PPM1L: variants seen among roughly 807,000 people sequenced by gnomAD.
The protein encoded by PPM1L is protein phosphatase 1L.
PPM1L carries 13 observed loss-of-function variants against 31.4 expected under a neutral mutation model. The ratio of observed to expected loss-of-function variants is 0.41; its 90% confidence interval spans 0.27 to 0.66. PPM1L has a LOEUF of 0.66. PPM1L is among the 30% of genes least tolerant of loss of function. The pLI is 0.29. For missense variants in PPM1L, 326 were observed against 453.7 expected (o/e 0.72, Z 2.56); for synonymous variants, 184 against 175.4 (o/e 1.05, Z -0.39).
chr3:160,765,783 G>A (rs2108057587), intron 1 of PPM1L, among the ~76,000 whole-genome samples: 1 of 152,292 alleles, frequency 6.6e-6, no homozygotes, highest in Non-Finnish European at 1.5e-5. Context: ...GAGTGTGGAT[G>A]TGTTTGCATA....
At chr3:160,784,593 G>A (rs899376396) in intron 1 of PPM1L, among the ~76,000 whole-genome samples, 1 of 152,218 alleles carries the variant, frequency 6.6e-6, no homozygotes, top group African/African-American at 2.4e-5. Flanking sequence ...AGTTTACCTT[G>A]TGAGTTTAAC....
chr3:161,001,177 ACTCT>A (rs1382180304), intron 2 of PPM1L, among the ~76,000 whole-genome samples: 1 of 152,174 alleles, frequency 6.6e-6, no homozygotes, highest in African/African-American at 2.4e-5. Context: ...AATTTAGCTA[ACTCT>A]CAGAGGATCT....
At chr3:161,008,770 A>G (rs1367908151) in intron 2 of PPM1L, among the ~76,000 whole-genome samples, 1 of 152,208 alleles carries the variant, frequency 6.6e-6, no homozygotes, top group African/African-American at 2.4e-5. Flanking sequence ...AGGGAATGCT[A>G]CAAGAGAAGA....
chr3:160,914,904 C>T (rs1292588919), intron 1 of PPM1L, among the ~76,000 whole-genome samples: 1 of 152,094 alleles, frequency 6.6e-6, no homozygotes, highest in African/African-American at 2.4e-5. Flanking sequence ...ACAGTCCCAC[C>T]AACAGTGTAA....
chr3:160,803,226 T>C (rs1259954654), intron 1 of PPM1L, among the ~76,000 whole-genome samples: 2 of 152,254 alleles, frequency 1.3e-5, no homozygotes, highest in Admixed American at 6.5e-5. Context: ...CCATTCACTT[T>C]CCTTCTTTTC....
chr3:160,870,291 A>T (rs1165024189), intron 1 of PPM1L, among the ~76,000 whole-genome samples: 2 of 152,222 alleles, frequency 1.3e-5, no homozygotes, highest in Non-Finnish European at 2.9e-5. Flanking sequence ...TTGGTTGAAG[A>T]TCACGAAGCA....
intron 2 of PPM1L, among the ~76,000 whole-genome samples, chr3:160,994,102 TA>T (rs1717226919): frequency 6.6e-6 from 1 of 152,106 alleles, no homozygotes; most frequent in African/African-American, 2.4e-5. Context: ...AATTCATGAA[TA>T]AAAATTACCT....
intron 1 of PPM1L, among the ~76,000 whole-genome samples, chr3:160,792,598 C>T (rs1357240989): frequency 6.6e-6 from 1 of 152,194 alleles, no homozygotes. Flanking sequence ...AAGCTAACCA[C>T]AATGAGTAGG....
Position 160,976,724 on chromosome 3 carries a change from C to G in PPM1L, c.574+14814C>G, listed in dbSNP as rs139469130. Among the ~76,000 whole-genome samples the G allele has an allele frequency of 7.0e-3, 1,067 of 152,124 alleles. 7 individuals carry two copies. The highest frequency in any genetic ancestry group is 9.3e-3 in the Non-Finnish European group (635 of 68,000). ...TTCTGTGGGATTGGTGGTGATATCC[C>G]CTTTATCATTTTTTATTGCGTCCAT... On this transcript the variant is annotated intron_variant, in intron 2 of 3. Coordinates refer to ENST00000498165, the MANE Select transcript of PPM1L (RefSeq NM_139245.4).
chr3:161,028,031 G>A (rs1553755670), intron 2 of PPM1L, among the ~76,000 whole-genome samples: 1 of 152,198 alleles, frequency 6.6e-6, no homozygotes, highest in Non-Finnish European at 1.5e-5. Flanking sequence ...TGGCTGGCAA[G>A]TGGTGACACT....
intron 1 of PPM1L, among the ~76,000 whole-genome samples, chr3:160,935,408 G>A (rs192711462): frequency 6.6e-6 from 1 of 152,168 alleles, no homozygotes. Context: ...GTGACTGGGT[G>A]CGTACATCTG....
chr3:160,907,104 A>T lies in PPM1L; in HGVS notation c.400-54632A>T, dbSNP rs140429430. ...GGGACTATTTTAGGGGCTGCTTACC[A>T]TTATATGTGTTTTAGAAGCAGAATA... On this transcript the variant is annotated intron_variant, in intron 1 of 3. Transcript: ENST00000498165. Among the ~76,000 whole-genome samples the T allele has an allele frequency of 4.6e-3, 698 of 152,312 alleles. 6 individuals carry two copies. Among genetic ancestry groups the T allele is most frequent in the African/African-American group, 0.015 (641 of 41,556 alleles).
chr3:160,900,154 G>A (rs1342847799), intron 1 of PPM1L, among the ~76,000 whole-genome samples: 2 of 151,888 alleles, frequency 1.3e-5, no homozygotes, highest in East Asian at 1.9e-4. Flanking sequence ...TTGTTAGAGC[G>A]AATTCAGTTT....
intron 1 of PPM1L, among the ~76,000 whole-genome samples, chr3:160,918,584 T>C (rs1714272000): frequency 6.6e-6 from 1 of 152,348 alleles, no homozygotes; most frequent in African/African-American, 2.4e-5. Flanking sequence ...AAAGAAGTTA[T>C]GGATTTTGTC....
intron 1 of PPM1L, among the ~76,000 whole-genome samples, chr3:160,873,662 C>G (rs1839015): frequency 6.6e-6 from 1 of 151,850 alleles, no homozygotes; most frequent in Non-Finnish European, 1.5e-5. Context: ...ATTCTCCTGC[C>G]TCAGCCTCCT....
intron 1 of PPM1L, among the ~76,000 whole-genome samples, chr3:160,948,468 C>T (rs1313394124): frequency 1.3e-5 from 2 of 152,140 alleles, no homozygotes; most frequent in Non-Finnish European, 2.9e-5. Flanking sequence ...CAGGAGGGGT[C>T]AGGTCAGTGT....
At chr3:160,911,142 C>A (rs1250615517) in intron 1 of PPM1L, among the ~76,000 whole-genome samples, 1 of 152,202 alleles carries the variant, frequency 6.6e-6, no homozygotes. Context: ...TATTTTCCTA[C>A]CGCAGGTGTA....
chr3:160,813,524 G>T (rs1260011253), intron 1 of PPM1L, among the ~76,000 whole-genome samples: 1 of 152,052 alleles, frequency 6.6e-6, no homozygotes, highest in African/African-American at 2.4e-5. Context: ...ATTTTTAGTA[G>T]AGACAGGGTT....
intron 1 of PPM1L, among the ~76,000 whole-genome samples, chr3:160,837,750 G>GAAAGC (rs2108102470): frequency 6.6e-6 from 1 of 152,186 alleles, no homozygotes; most frequent in East Asian, 1.9e-4. Flanking sequence ...AAGGAAACAG[G>GAAAGC]AAAGCATGTT....
Sources: gnomAD v4.1 joint callset for allele counts (sites outside exome capture counted in the v4.1 genomes callset) on GRCh38, gnomAD v4.1.1 for gene constraint, MANE v1.5 for transcripts, NCBI Gene and HGNC (gene_info 2026-07-23, HGNC 2026-07-21) for gene names.